Variants in AP1M1 observed in about 807,000 individuals in gnomAD.
AP1M1 encodes the protein AP-1 complex subunit mu-1.
In AP1M1, 18 loss-of-function variants were observed where a neutral mutation model predicts 57.1. That is an observed-to-expected ratio of 0.32 (90% CI 0.22 to 0.47). The LOEUF is 0.47. Among genes scored for constraint, AP1M1 ranks in the 20% least tolerant of loss-of-function variants. The pLI is 1.00. For missense variants in AP1M1, 362 were observed against 593.5 expected (o/e 0.61, Z 4.05); for synonymous variants, 241 against 237.9 (o/e 1.01, Z -0.12).
chr19:16,215,230 GGGA>G (rs2145125536), intron 5 of AP1M1, among the ~76,000 whole-genome samples: 1 of 65,944 alleles, frequency 1.5e-5, no homozygotes, highest in African/African-American at 4.2e-5. Flanking sequence ...GAGGGGGGAG[GGGA>G]GGGGATCACC....
At position 16,207,928 on chromosome 19, in the gene AP1M1, G is replaced by A. The variant is rs558330007; in HGVS notation, c.268-91G>A. On this transcript the variant is annotated intron_variant, in intron 3 of 11. Coordinates refer to ENST00000291439, the MANE Select transcript of AP1M1 (RefSeq NM_032493.4). The surrounding 1 kb of genome is among the most constrained non-coding windows in gnomAD (Gnocchi z 4.2). ...GTAGGCTGTTGGTAGGACTTAGCGGGCAAATGAATGTGTGCAAGCGTTCAT... is the reference window on the plus strand; with the variant it reads ...GTAGGCTGTTGGTAGGACTTAGCGGACAAATGAATGTGTGCAAGCGTTCAT... 3 of 1,475,914 alleles carry A rather than the reference G, an allele frequency of 2.0e-6. No individual in the cohort carries two copies. The highest frequency in any genetic ancestry group is 1.3e-5 in the South Asian group (1 of 77,614). 91.4% of individuals were successfully genotyped at this position (1,475,914 alleles called of 1,614,324 possible). A position where few individuals can be genotyped will look rare whatever the true frequency, so the allele number is the denominator to read the frequency against.
At chr19:16,198,566 T>G (rs2091434260) in intron 1 of AP1M1, among the ~76,000 whole-genome samples, 1 of 152,048 alleles carries the variant, frequency 6.6e-6, no homozygotes, top group South Asian at 2.1e-4. Context: ...ATTGTGATAG[T>G]GAGTTACAAG....
At position 16,228,257 on chromosome 19, in the gene AP1M1, C is replaced by T. The variant is rs1489583997; in HGVS notation, c.888+49C>T. The T allele has an allele frequency of 9.4e-6, 15 of 1,595,324 alleles. No individual in the cohort carries two copies. The highest frequency in any genetic ancestry group is 1.7e-5 in the Admixed American group (1 of 59,762). ...TGAGGGCCTTCTGGTGTCTCTGGCC[C>T]GTCCCAGGAGCCTAACCGAGGGCTG... is the stretch of plus-strand genomic sequence containing the variant. On this transcript the variant is annotated intron_variant, in intron 8 of 11. Coordinates refer to ENST00000291439, the MANE Select transcript of AP1M1 (RefSeq NM_032493.4). The surrounding 1 kb of genome is among the most constrained non-coding windows in gnomAD (Gnocchi z 5.0).
intron 1 of AP1M1, among the ~76,000 whole-genome samples, chr19:16,200,032 C>G (rs765196943): frequency 8.2e-4 from 125 of 152,256 alleles, no homozygotes; most frequent in Middle Eastern, 3.4e-3. Flanking sequence ...CCTCACTGGT[C>G]AAAAGAGGCT....
At chr19:16,230,277 G>A (rs2091590329) in intron 9 of AP1M1, among the ~76,000 whole-genome samples, 1 of 152,138 alleles carries the variant, frequency 6.6e-6, no homozygotes, top group Non-Finnish European at 1.5e-5. Context: ...GTCTGTTGAT[G>A]TCATTATTCC....
intron 4 of AP1M1, 76 bp downstream of exon 4, chr19:16,208,225 G>A (rs1196620305): frequency 3.5e-5 from 52 of 1,481,424 alleles, no homozygotes; most frequent in Non-Finnish European, 4.6e-5. Context: ...TGTGGAAACA[G>A]AAGGGGCAAA....
In AP1M1 at chr19:16,244,882, T is replaced by TTTTTTTTTTTTGTTG. The variant is rs370663435; in HGVS notation, c.*10449_*10450insTTTTTTTTTGTTGTT. ...TAAATAACATGGATAAAATTTGTTG[T>TTTTTTTTTTTTGTTG]TTGTTGTTGTTGTTGTTGTTGTTGT... On this transcript the variant is annotated 3_prime_UTR_variant, in exon 12 of 12. Transcript: ENST00000291439. 6.7e-6 allele frequency: 1 copy of TTTTTTTTTTTTGTTG among 149,574 alleles called. No individual in the cohort carries two copies. Among genetic ancestry groups the TTTTTTTTTTTTGTTG allele is most frequent in the African/African-American group, 2.5e-5 (1 of 39,910 alleles). 9.3% of individuals were successfully genotyped at this position (149,574 alleles called of 1,614,324 possible).
At chr19:16,216,396 G>A (rs2091519295) in intron 5 of AP1M1, among the ~76,000 whole-genome samples, 1 of 151,306 alleles carries the variant, frequency 6.6e-6, no homozygotes, top group Non-Finnish European at 1.5e-5. Context: ...AGTGAGCCGA[G>A]ATTGCACCAC....
intron 5 of AP1M1, among the ~76,000 whole-genome samples, chr19:16,217,018 T>C (rs1027482078): frequency 1.3e-5 from 2 of 152,020 alleles, no homozygotes; most frequent in Non-Finnish European, 2.9e-5. Context: ...GCAGCAGTAG[T>C]GGCAGTATGG....
In AP1M1 at chr19:16,198,049, T is replaced by G; in HGVS notation, c.23T>G (p.Val8Gly). Reference sequence around the variant, plus strand: ...ATCATGTCCGCCAGCGCCGTCTACGTGCTGGACCTGAAGGGCAAGGTACTG... The same window carrying G: ...ATCATGTCCGCCAGCGCCGTCTACGGGCTGGACCTGAAGGGCAAGGTACTG... The part of the protein sequence containing the change: MSASAVY[V>G]LDLKGKVLIC... Residue 8 changes from valine to glycine, a missense_variant, in exon 1 of 12, where the codon GTG becomes GGG. Val to Gly is a moderately radical substitution (Grantham distance 109). This residue lies in a region of AP1M1 where 337 missense variants were observed against 511.1 expected (regional missense o/e 0.66). Coordinates refer to ENST00000291439, the MANE Select transcript of AP1M1 (RefSeq NM_032493.4). The G allele has an allele frequency of 6.3e-7, 1 of 1,583,398 alleles. No individual in the cohort carries two copies. Among genetic ancestry groups the G allele is most frequent in the Non-Finnish European group, 8.5e-7 (1 of 1,173,486 alleles).
In AP1M1 at chr19:16,206,217, G is replaced by A. The variant is rs1001088956; in HGVS notation, c.200-124G>A. The A allele has an allele frequency of 2.0e-5, 19 of 964,816 alleles. No homozygotes were observed. Among genetic ancestry groups the A allele is most frequent in the East Asian group, 1.7e-4 (7 of 40,470 alleles). 59.8% of individuals were successfully genotyped at this position (964,816 alleles called of 1,614,324 possible). ...GTAGCCCACCATGGGCCAAGTAAAC[G>A]GCTGGGAGTGGGGATAGGGAAGGCT... On this transcript the variant is annotated intron_variant, in intron 2 of 11. Coordinates refer to ENST00000291439, the MANE Select transcript of AP1M1 (RefSeq NM_032493.4). The surrounding 1 kb of genome is among the most constrained non-coding windows in gnomAD (Gnocchi z 4.3).
At chr19:16,230,360 T>C (rs1334957366) in intron 9 of AP1M1, among the ~76,000 whole-genome samples, 1 of 152,056 alleles carries the variant, frequency 6.6e-6, no homozygotes, top group Non-Finnish European at 1.5e-5. Flanking sequence ...TACATTCTCC[T>C]AGACATAATA....
intron 5 of AP1M1, among the ~76,000 whole-genome samples, chr19:16,209,747 T>C (rs1444467307): frequency 6.6e-6 from 1 of 152,208 alleles, no homozygotes. Context: ...AAACCTGAGA[T>C]CATAAGATGT....
chr19:16,232,400 C>A (rs1187196654), intron 9 of AP1M1, among the ~76,000 whole-genome samples: 2 of 152,250 alleles, frequency 1.3e-5, no homozygotes, highest in African/African-American at 4.8e-5. Flanking sequence ...TCGCCCCTGG[C>A]GTCTGCTTCC....
intron 5 of AP1M1, among the ~76,000 whole-genome samples, chr19:16,220,656 G>T (rs2091540142): frequency 6.6e-6 from 1 of 152,178 alleles, no homozygotes; most frequent in Non-Finnish European, 1.5e-5. Flanking sequence ...CTCCCAAAAT[G>T]CTGGGATTAC....
chr19:16,245,645 C>A lies in AP1M1; in HGVS notation c.*11210C>A, dbSNP rs2145154472. On this transcript the variant is annotated 3_prime_UTR_variant, in exon 12 of 12. Coordinates refer to ENST00000291439, the MANE Select transcript of AP1M1 (RefSeq NM_032493.4). The stretch of plus-strand genomic sequence containing the variant: ...GCGTAGAGTTGGAATTTTTAAAATT[C>A]AGTTTGACAAAATGACTTTTAGCTG... The A allele has an allele frequency of 6.6e-6, 1 of 152,208 alleles. No individual in the cohort carries two copies. The highest frequency in any genetic ancestry group is 1.9e-4 in the East Asian group (1 of 5,184). The allele number at this position is 152,208 out of a possible 1,614,324, so 9.4% of individuals were successfully genotyped here.
chr19:16,225,478 C>T lies in AP1M1; in HGVS notation c.547-943C>T, dbSNP rs79522966. Among the ~76,000 whole-genome samples, 16 of 152,160 alleles carry T rather than the reference C, an allele frequency of 1.1e-4. No homozygotes were observed. The East Asian group carries it at 3.1e-3, about 29-fold the overall frequency. On this transcript the variant is annotated intron_variant, in intron 5 of 11. Coordinates refer to ENST00000291439, the MANE Select transcript of AP1M1 (RefSeq NM_032493.4). ...CGGGGCCTCTGATCTGTGCCTGTTT[C>T]CTCACCTCTAAAATGGATGCAAGAA...
At chr19:16,208,801 A>G (rs1276617982) in intron 4 of AP1M1, 1 of 492,184 alleles carries the variant, frequency 2.0e-6, no homozygotes, top group East Asian at 3.3e-5. Context: ...TTCAGCCTCT[A>G]TAACTTGAGT....
chr19:16,234,108 C>G, intron 10 of AP1M1, 91 bp from the exon 11 acceptor site: 2 of 1,322,608 alleles, frequency 1.5e-6, no homozygotes, highest in Non-Finnish European at 2.1e-6. Flanking sequence ...GCCTCCCCTG[C>G]CAGCCCCAGG....
Sources: allele counts gnomAD v4.1 joint callset (sites outside exome capture counted in the v4.1 genomes callset), GRCh38; gene constraint gnomAD v4.1.1; regional missense constraint gnomAD v4.1.1; non-coding constraint Gnocchi (gnomAD v3.1); transcripts MANE v1.5; gene names NCBI Gene and HGNC (gene_info 2026-07-23, HGNC 2026-07-21).